The following RBM20 variants were observed in gnomAD, a reference collection of about 807,000 sequenced individuals.
The protein encoded by RBM20 is RNA-binding protein 20.
RBM20 carries 51 observed loss-of-function variants against 110.1 expected under a neutral mutation model. The ratio of observed to expected loss-of-function variants is 0.46; its 90% CI spans 0.37 to 0.59. RBM20 has a LOEUF of 0.59. Ranked by LOEUF, RBM20 falls within the 20% of genes least tolerant of loss-of-function variation. RBM20 has a pLI of 0.00. For synonymous variants in RBM20, 589 were observed against 618.2 expected, an observed-to-expected ratio of 0.95 and a Z score of 0.70; for missense variants, 1,512 against 1,574.9, an observed-to-expected ratio of 0.96 and a Z score of 0.68.
intron 1 of RBM20, among the ~76,000 whole-genome samples, chr10:110,657,735 T>G (rs1862045614): frequency 6.6e-6 from 1 of 152,196 alleles, no homozygotes. Context: ...TGATGGACAT[T>G]TAGGTTGTTT....
At position 110,644,343 on chromosome 10, in the gene RBM20, C is replaced by G; in HGVS notation, c.-112C>G. 1.2e-6 allele frequency: 1 copy of G among 824,112 alleles called. No individual in the cohort carries two copies. The highest frequency in any genetic ancestry group is 3.0e-5 in the South Asian group (1 of 33,568). The allele number at this position is 824,112 out of a possible 1,614,324, so 51.0% of individuals were successfully genotyped here. Reference sequence around the variant, plus strand: ...CCCTCGCGTCTCCTCCCCGCGCCACCGGGAAGGACAAGGGGACTGGGCACG... The same window carrying G: ...CCCTCGCGTCTCCTCCCCGCGCCACGGGGAAGGACAAGGGGACTGGGCACG... On this transcript the variant is annotated 5_prime_UTR_variant, in exon 1 of 14. Transcript: ENST00000369519. The surrounding 1 kb of genome is among the most constrained non-coding windows in gnomAD (Gnocchi z 4.3).
intron 11 of RBM20, 142 bp from the exon 12 acceptor site, chr10:110,823,338 C>A: frequency 9.1e-7 from 1 of 1,098,292 alleles, no homozygotes; most frequent in South Asian, 1.7e-5. Context: ...AACCATTGCC[C>A]CAGCCTTATG....
intron 1 of RBM20, among the ~76,000 whole-genome samples, chr10:110,729,368 C>G (rs1843596404): frequency 6.6e-6 from 1 of 152,230 alleles, no homozygotes; most frequent in South Asian, 2.1e-4. Context: ...CTTCCTGCCT[C>G]TCCTTCTCAC....
intron 5 of RBM20, among the ~76,000 whole-genome samples, chr10:110,793,190 G>A (rs1209750818): frequency 6.6e-6 from 1 of 152,190 alleles, no homozygotes; most frequent in Non-Finnish European, 1.5e-5. Context: ...CTAATCAGCG[G>A]CTGAGCTGGG....
intron 1 of RBM20, among the ~76,000 whole-genome samples, chr10:110,779,203 A>G (rs963010069): frequency 2.0e-5 from 3 of 152,172 alleles, no homozygotes; most frequent in Admixed American, 6.5e-5. Context: ...CCACAGCAGG[A>G]TGGAAGGGTT....
intron 6 of RBM20, 35 bp downstream of exon 6, chr10:110,797,683 C>G (rs750943416): frequency 1.4e-5 from 22 of 1,531,216 alleles, no homozygotes; most frequent in Non-Finnish European, 1.9e-5. Context: ...GTGTATATGC[C>G]ACAGACCACA....
chr10:110,781,139 C>T lies in RBM20; in HGVS notation c.530C>T (p.Thr177Ile), dbSNP rs183130427. The T allele has an allele frequency of 2.5e-4, 390 of 1,551,724 alleles. 2 individuals are homozygous for T. In the African/African-American group the frequency reaches 5.0e-3, roughly 20 times the overall value. The stretch of plus-strand genomic sequence containing the variant: ...ATTGCCTTTTCACCCCCCAGCCAGA[C>T]ACGAGGCCCCGGACCCTCCATGAAC... Reference protein sequence around the residue: ...NAIAFSPPSQTRGPGPSMNLP... With the variant: ...NAIAFSPPSQIRGPGPSMNLP... The change falls in exon 2 of 14, where the codon ACA becomes ATA. Residue 177 changes from threonine (T) to isoleucine (I), a missense_variant. Thr to Ile is a moderately conservative substitution (Grantham distance 89, BLOSUM62 -1). Transcript: ENST00000369519.
chr10:110,767,408 C>T (rs1215704486), intron 1 of RBM20, among the ~76,000 whole-genome samples: 3 of 150,046 alleles, frequency 2.0e-5, no homozygotes, highest in African/African-American at 7.4e-5. Flanking sequence ...ACCTCCCTCC[C>T]GGACGGGGTG....
chr10:110,812,165 T>A, intron 8 of RBM20, 113 bp from the exon 9 acceptor site: 1 of 943,108 alleles, frequency 1.1e-6, no homozygotes, highest in Non-Finnish European at 1.5e-6. Context: ...GAGTTAAGAG[T>A]GTACACAGTT....
In RBM20 at chr10:110,753,948, C is replaced by G. The variant is rs531108815; in HGVS notation, c.192-26853C>G. Among the ~76,000 whole-genome samples the G allele has an allele frequency of 2.6e-5, 4 of 152,310 alleles. No individual in the cohort carries two copies. The East Asian group carries it at 7.7e-4, about 29-fold the overall frequency. The stretch of plus-strand genomic sequence containing the variant: ...AAATCCCTCTTTGGCCTGTATAACA[C>G]TTCTGACTGCACTTAGGGCCCACCC... On this transcript the variant is annotated intron_variant, in intron 1 of 13. Transcript: ENST00000369519.
chr10:110,669,297 G>A (rs1466322893), intron 1 of RBM20, among the ~76,000 whole-genome samples: 1 of 152,194 alleles, frequency 6.6e-6, no homozygotes, highest in Non-Finnish European at 1.5e-5. Flanking sequence ...TATGCGTGTG[G>A]CGGGGTAGGG....
intron 1 of RBM20, among the ~76,000 whole-genome samples, chr10:110,683,693 C>T (rs1421632348): frequency 6.6e-6 from 1 of 152,244 alleles, no homozygotes; most frequent in African/African-American, 2.4e-5. Context: ...CCAATCAAGA[C>T]TTCCAATTCA....
At chr10:110,811,119 G>T (rs1844762628) in intron 8 of RBM20, among the ~76,000 whole-genome samples, 1 of 152,198 alleles carries the variant, frequency 6.6e-6, no homozygotes, top group Non-Finnish European at 1.5e-5. Context: ...TGCAGGAGCA[G>T]GCACCTGGCT....
chr10:110,703,280 A>G (rs1051577846), intron 1 of RBM20, among the ~76,000 whole-genome samples: 9 of 151,868 alleles, frequency 5.9e-5, no homozygotes, highest in Admixed American at 5.2e-4. Context: ...CGGGAGGCTG[A>G]GGCAGGACAA....
chr10:110,730,064 C>G (rs542976594), intron 1 of RBM20, among the ~76,000 whole-genome samples: 19 of 152,262 alleles, frequency 1.2e-4, no homozygotes, highest in Non-Finnish European at 2.5e-4. Flanking sequence ...GTGATCCACC[C>G]GCCTTGACCT....
intron 1 of RBM20, among the ~76,000 whole-genome samples, chr10:110,763,696 T>C (rs541072796): frequency 6.6e-6 from 1 of 150,750 alleles, no homozygotes; most frequent in Admixed American, 6.6e-5. Context: ...AATCAAACTC[T>C]GAATGAGGCC....
intron 12 of RBM20, among the ~76,000 whole-genome samples, chr10:110,830,299 C>G (rs1034297609): frequency 6.6e-6 from 1 of 152,258 alleles, no homozygotes; most frequent in African/African-American, 2.4e-5. Context: ...TCACTCCTCT[C>G]TGGCGGTGGT....
intron 5 of RBM20, among the ~76,000 whole-genome samples, chr10:110,785,206 A>G (rs1844405994): frequency 6.6e-6 from 1 of 152,210 alleles, no homozygotes; most frequent in Admixed American, 6.5e-5. Context: ...TGCACCTGAC[A>G]TGCCACAGGC....
chr10:110,680,764 G>A (rs17761362), intron 1 of RBM20, among the ~76,000 whole-genome samples: 11,672 of 152,184 alleles, frequency 0.077, 635 homozygotes, highest in Non-Finnish European at 0.11. Context: ...ACCTATACCA[G>A]GTTTGATCAG....
Sources: gnomAD v4.1 joint callset for allele counts (sites outside exome capture counted in the v4.1 genomes callset) on GRCh38, gnomAD v4.1.1 for gene constraint, Gnocchi (gnomAD v3.1) non-coding constraint, MANE v1.5 for transcripts, NCBI Gene and HGNC (gene_info 2026-07-23, HGNC 2026-07-21) for gene names.